The following SLC9D1 variants were observed in gnomAD, a reference collection of about 807,000 sequenced individuals.
SLC9D1 encodes the protein solute carrier family 9 member D1, also known as putative LAG1-interacting protein.
chr13:113,500,849 A>T, the SLC9D1 span, among the ~76,000 whole-genome samples: 13 of 152,190 alleles, frequency 8.5e-5, no homozygotes. Context: ...AGCCAGAGAG[A>T]GATGTGGTCA....
chr13:113,539,560 G>A, the SLC9D1 span: 1 of 1,580,978 alleles, frequency 6.3e-7, no homozygotes, highest in Non-Finnish European at 8.6e-7. This position sits in a 1 kb window ranked among gnomAD's most constrained non-coding sequence, Gnocchi z 4.8. Context: ...ATGCAGAGTG[G>A]TTCTGTAATA....
chr13:113,500,273 C>A, the SLC9D1 span: 1 of 495,242 alleles, frequency 2.0e-6, no homozygotes, highest in African/African-American at 2.0e-5. Flanking sequence ...ACTAGAATTC[C>A]GTACATTATC....
chr13:113,528,794 C>G, the SLC9D1 span: 3 of 152,172 alleles, frequency 2.0e-5, no homozygotes, highest in Non-Finnish European at 4.4e-5. Context: ...CTTTAAATAT[C>G]AGAAAAATAA....
the SLC9D1 span, among the ~76,000 whole-genome samples, chr13:113,494,969 C>A: frequency 6.6e-6 from 1 of 152,104 alleles, no homozygotes; most frequent in African/African-American, 2.4e-5. Context: ...CTGCAACGTC[C>A]GCCTCCCGGG....
chr13:113,533,634 G>A, the SLC9D1 span, among the ~76,000 whole-genome samples: 1 of 152,232 alleles, frequency 6.6e-6, no homozygotes, highest in Non-Finnish European at 1.5e-5. Context: ...CCTCGGGAGT[G>A]CCTTGCTGAC....
the SLC9D1 span, among the ~76,000 whole-genome samples, chr13:113,525,120 T>G: frequency 2.0e-5 from 3 of 152,352 alleles, no homozygotes; most frequent in African/African-American, 4.8e-5. Context: ...TCATGTGAAA[T>G]GTAGAAGCCT....
At chr13:113,507,405 A>G in the SLC9D1 span, among the ~76,000 whole-genome samples, 2 of 152,292 alleles carry the variant, frequency 1.3e-5, no homozygotes, top group East Asian at 3.9e-4. Flanking sequence ...ACTTTTCTGA[A>G]CTGATGAGCC....
the SLC9D1 span, chr13:113,514,448 A>G: frequency 1.3e-5 from 2 of 152,122 alleles, no homozygotes; most frequent in Non-Finnish European, 2.9e-5. Context: ...GAGCCTCGCT[A>G]GTATTCGGGG....
At chr13:113,496,110 C>G in the SLC9D1 span, 1 of 976,184 alleles carries the variant, frequency 1.0e-6, no homozygotes, top group Non-Finnish European at 1.5e-6. Context: ...ACATCCTCAT[C>G]CTAGAGACAG....
chr13:113,523,907 T>G, the SLC9D1 span, among the ~76,000 whole-genome samples: 1 of 152,012 alleles, frequency 6.6e-6, no homozygotes, highest in Non-Finnish European at 1.5e-5. Context: ...TTAATTTCCA[T>G]ACATCTGGAG....
the SLC9D1 span, among the ~76,000 whole-genome samples, chr13:113,494,000 T>G: frequency 1.2e-4 from 18 of 152,238 alleles, no homozygotes; most frequent in African/African-American, 4.3e-4. Flanking sequence ...GCATCTAACC[T>G]ACTTTGCCTG....
At chr13:113,549,437 A>G in the SLC9D1 span, 10 of 1,613,758 alleles carry the variant, frequency 6.2e-6, no homozygotes, top group Non-Finnish European at 7.6e-6. Context: ...GTACCTCCTT[A>G]TACTGAGTGT....
the SLC9D1 span, among the ~76,000 whole-genome samples, chr13:113,539,710 A>T: frequency 6.6e-6 from 1 of 152,108 alleles, no homozygotes; most frequent in African/African-American, 2.4e-5. The surrounding 1 kb of genome is among the most constrained non-coding windows in gnomAD (Gnocchi z 4.8). Flanking sequence ...ATTTTATTAT[A>T]CTGTTTCTTC....
At chr13:113,532,863 C>T in the SLC9D1 span, among the ~76,000 whole-genome samples, 29 of 106,310 alleles carry the variant, frequency 2.7e-4, 1 homozygote, top group Non-Finnish European at 3.1e-4. Flanking sequence ...GGCCCTGCAG[C>T]GAGCTCTGAA....
the SLC9D1 span, among the ~76,000 whole-genome samples, chr13:113,496,660 C>T: frequency 6.6e-6 from 1 of 152,130 alleles, no homozygotes; most frequent in African/African-American, 2.4e-5. Context: ...TAAAGTATCA[C>T]GTCATCTTCA....
At chr13:113,513,448 G>GT in the SLC9D1 span, among the ~76,000 whole-genome samples, 1 of 152,166 alleles carries the variant, frequency 6.6e-6, no homozygotes, top group Non-Finnish European at 1.5e-5. Context: ...AAAAGGAGAT[G>GT]TTTGAGTTTG....
chr13:113,518,731 A>G, the SLC9D1 span, among the ~76,000 whole-genome samples: 1 of 152,192 alleles, frequency 6.6e-6, no homozygotes, highest in Non-Finnish European at 1.5e-5. Flanking sequence ...AAGCCTCCGC[A>G]TGGACAATAT....
the SLC9D1 span, chr13:113,528,704 T>C: frequency 6.8e-6 from 1 of 146,262 alleles, no homozygotes; most frequent in Non-Finnish European, 1.5e-5. Flanking sequence ...AGGGTCCTTG[T>C]GATAAGAGGG....
the SLC9D1 span, chr13:113,548,558 G>GC: frequency 6.3e-6 from 8 of 1,275,598 alleles, no homozygotes; most frequent in African/African-American, 3.0e-5. Context: ...GGGCCTGGGG[G>GC]CAGGGTCCTC....
Sources: allele counts gnomAD v4.1 joint callset (sites outside exome capture counted in the v4.1 genomes callset), GRCh38; gene constraint gnomAD v4.1.1; non-coding constraint Gnocchi (gnomAD v3.1); transcripts MANE v1.5; gene names NCBI Gene and HGNC (gene_info 2026-07-23, HGNC 2026-07-21).